CACNG4: variants seen among roughly 807,000 people sequenced by gnomAD.
CACNG4 encodes voltage-dependent calcium channel gamma-4 subunit.
A neutral mutation model predicts 22.9 loss-of-function variants in CACNG4; 8 were observed. That is an observed-to-expected ratio of 0.35 (90% CI 0.21 to 0.63). CACNG4 has a LOEUF of 0.63. CACNG4 is among the 30% of genes least tolerant of loss of function. CACNG4 has a pLI of 0.72. For missense variants in CACNG4, 357 were observed against 455.4 expected (o/e 0.78, Z 1.97); for synonymous variants, 188 against 191.9 (o/e 0.98, Z 0.17).
chr17:67,031,871 G>T lies in CACNG4; in HGVS notation c.*867G>T, dbSNP rs894923013. 3 of 456,640 alleles carry T rather than the reference G, an allele frequency of 6.6e-6. No homozygotes were observed. The highest frequency in any genetic ancestry group is 1.3e-5 in the Non-Finnish European group (3 of 226,966). 28.3% of individuals were successfully genotyped at this position (456,640 alleles called of 1,614,324 possible). A position where few individuals can be genotyped will look rare whatever the true frequency, so the allele number is the denominator to read the frequency against. On this transcript the variant is annotated 3_prime_UTR_variant, in exon 4 of 4. Coordinates refer to ENST00000262138, the MANE Select transcript of CACNG4 (RefSeq NM_014405.4). The surrounding 1 kb of genome is among the most constrained non-coding windows in gnomAD (Gnocchi z 4.0). Reference sequence around the variant, plus strand: ...GAGCAACTCTGTCCCCTGAGCGTTGGGGGTCCCGGGGGAGAGGTGGACAGA... The same window carrying T: ...GAGCAACTCTGTCCCCTGAGCGTTGTGGGTCCCGGGGGAGAGGTGGACAGA...
chr17:67,018,409 G>T, intron 2 of CACNG4, 137 bp downstream of exon 2: 1 of 660,052 alleles, frequency 1.5e-6, no homozygotes, highest in East Asian at 2.7e-5. Context: ...TACTTATTCA[G>T]ACATTGTGAG....
intron 1 of CACNG4, among the ~76,000 whole-genome samples, chr17:67,015,701 G>A (rs1437799363): frequency 2.6e-5 from 4 of 152,122 alleles, no homozygotes; most frequent in East Asian, 3.9e-4. Flanking sequence ...GCAGCCTGCC[G>A]CTGCAGAGCA....
At chr17:67,019,157 C>T (rs1049027952) in intron 2 of CACNG4, among the ~76,000 whole-genome samples, 5 of 152,180 alleles carry the variant, frequency 3.3e-5, no homozygotes, top group Non-Finnish European at 5.9e-5. Context: ...ATACCAGCAT[C>T]CTCAGAGAGA....
rs77218864 is a variant in CACNG4 at position 66,978,397 on chromosome 17, G to A, written c.220+13266G>A. On this transcript the variant is annotated intron_variant, in intron 1 of 3. Transcript: ENST00000262138. ...CGTGGTACATGGGGACAGGGGAGGG[G>A]ACCCAGAGTGAAGATGGGTCTCAGA... is the stretch of plus-strand genomic sequence containing the variant. Among the ~76,000 whole-genome samples, 788 of 152,292 alleles carry A rather than the reference G, an allele frequency of 5.2e-3. 11 individuals are homozygous for A. Among genetic ancestry groups the A allele is most frequent in the African/African-American group, 0.018 (756 of 41,566 alleles).
In CACNG4 at chr17:66,998,149, G is replaced by A. The variant is rs904861349; in HGVS notation, c.221-20040G>A. Among the ~76,000 whole-genome samples the A allele has an allele frequency of 4.6e-5, 7 of 152,318 alleles. No individual in the cohort carries two copies. In the Middle Eastern group the frequency reaches 0.014, roughly 296 times the overall value. On this transcript the variant is annotated intron_variant, in intron 1 of 3. Transcript: ENST00000262138. Reference sequence around the variant, plus strand: ...ATTGGAGGAAGACTCCATCTATGCCGCAAATGTTGAGGCCCCCAATCTGAA... The same window carrying A: ...ATTGGAGGAAGACTCCATCTATGCCACAAATGTTGAGGCCCCCAATCTGAA...
In CACNG4 at chr17:67,031,966, G is replaced by C. The variant is rs1008039334; in HGVS notation, c.*962G>C. 2 of 456,580 alleles carry C rather than the reference G, an allele frequency of 4.4e-6. No homozygotes were observed. Among genetic ancestry groups the C allele is most frequent in the African/African-American group, 4.0e-5 (2 of 50,064 alleles). The allele number at this position is 456,580 out of a possible 1,614,324, so 28.3% of individuals were successfully genotyped here. A position where few individuals can be genotyped will look rare whatever the true frequency, so the allele number is the denominator to read the frequency against. Reference sequence around the variant, plus strand: ...GTGCAAGAAAGGGAGACCTAAGGGTGAACAGTGGCCAATAAAAACCCTAGA... The same window carrying C: ...GTGCAAGAAAGGGAGACCTAAGGGTCAACAGTGGCCAATAAAAACCCTAGA... On this transcript the variant is annotated 3_prime_UTR_variant, in exon 4 of 4. Transcript: ENST00000262138. This position sits in a 1 kb window ranked among gnomAD's most constrained non-coding sequence, Gnocchi z 4.0.
intron 1 of CACNG4, 55 bp downstream of exon 1, chr17:66,965,186 A>C: frequency 4.7e-6 from 4 of 843,722 alleles, no homozygotes; most frequent in Non-Finnish European, 6.6e-6. Context: ...ACACACACAC[A>C]TATACACACG....
intron 1 of CACNG4, among the ~76,000 whole-genome samples, chr17:66,988,828 G>A (rs2035321008): frequency 6.6e-6 from 1 of 152,174 alleles, no homozygotes; most frequent in African/African-American, 2.4e-5. Context: ...AGAAGCCAAG[G>A]TGGGTGGATC....
At chr17:66,973,188 T>G (rs4791001) in intron 1 of CACNG4, among the ~76,000 whole-genome samples, 82,628 of 150,664 alleles carry the variant, frequency 0.55, 23,050 homozygotes, top group Middle Eastern at 0.68. Flanking sequence ...TGCACTGAGC[T>G]GAGAGCTCGC....
Position 67,030,871 on chromosome 17 carries a change from T to G in CACNG4, c.851T>G (p.Leu284Arg). 6.2e-7 allele frequency: 1 copy of G among 1,612,722 alleles called. No individual in the cohort carries two copies. The highest frequency in any genetic ancestry group is 1.3e-5 in the African/African-American group (1 of 74,910). ...LSMYTLSREP[L>R]KVTTAASYSP... ...ATGTACACGCTGTCCAGGGAGCCCC[T>G]CAAGGTGACCACCGCAGCCAGCTAC... is the stretch of plus-strand genomic sequence containing the variant. Residue 284 changes from leucine (L) to arginine (R), a missense_variant, in exon 4 of 4, where the codon CTC (leucine) becomes CGC (arginine). Leu to Arg is a moderately radical substitution (Grantham distance 102, BLOSUM62 -2). Around this residue, in one of 3 missense-constraint regions of CACNG4, gnomAD observed 240 missense variants for 277.6 expected, o/e 0.86. Transcript: ENST00000262138. This position sits in a 1 kb window ranked among gnomAD's most constrained non-coding sequence, Gnocchi z 6.4.
chr17:66,969,642 G>A (rs750476104), intron 1 of CACNG4, among the ~76,000 whole-genome samples: 1 of 152,138 alleles, frequency 6.6e-6, no homozygotes, highest in Non-Finnish European at 1.5e-5. Context: ...CCCTGGGGAG[G>A]GGATTGAGAA....
chr17:67,012,658 C>G (rs899217556), intron 1 of CACNG4, among the ~76,000 whole-genome samples: 2 of 152,328 alleles, frequency 1.3e-5, no homozygotes, highest in African/African-American at 4.8e-5. Flanking sequence ...CCTCAAACTT[C>G]CAGTTGCACG....
chr17:67,009,948 T>C (rs2035459539), intron 1 of CACNG4, among the ~76,000 whole-genome samples: 1 of 152,076 alleles, frequency 6.6e-6, no homozygotes, highest in Non-Finnish European at 1.5e-5. Context: ...TAAACTCCCA[T>C]GTCCTCTGCC....
At chr17:66,968,257 A>G (rs923151655) in intron 1 of CACNG4, among the ~76,000 whole-genome samples, 2 of 152,226 alleles carry the variant, frequency 1.3e-5, no homozygotes, top group Non-Finnish European at 2.9e-5. Context: ...CATTAAAAAT[A>G]GACCAAGTAC....
At chr17:66,990,430 A>G (rs1417425297) in intron 1 of CACNG4, among the ~76,000 whole-genome samples, 2 of 152,188 alleles carry the variant, frequency 1.3e-5, no homozygotes, top group African/African-American at 2.4e-5. Flanking sequence ...GGTTCCTCCA[A>G]CACTCAAGGG....
rs1267621996 is a variant in CACNG4, at chr17:67,027,775, T to A, written c.446-2691T>A. ...GGCTCATGCCTGTAATCCCAGCATT[T>A]TGGGAGGCCGAGGCAGGCGGATCAC... On this transcript the variant is annotated intron_variant, in intron 3 of 3. Transcript: ENST00000262138. This position sits in a 1 kb window ranked among gnomAD's most constrained non-coding sequence, Gnocchi z 4.3. 6.6e-6 allele frequency among the ~76,000 whole-genome samples: 1 copy of A among 152,064 alleles called. No individual in the cohort carries two copies. Among genetic ancestry groups the A allele is most frequent in the Non-Finnish European group, 1.5e-5 (1 of 68,018 alleles).
intron 1 of CACNG4, among the ~76,000 whole-genome samples, chr17:66,989,418 C>T (rs757293331): frequency 6.6e-6 from 1 of 151,424 alleles, no homozygotes; most frequent in Non-Finnish European, 1.5e-5. Context: ...AGGGAATGTT[C>T]GGGGTTGCCA....
chr17:67,011,497 G>T (rs551682179), intron 1 of CACNG4, among the ~76,000 whole-genome samples: 3 of 152,214 alleles, frequency 2.0e-5, no homozygotes, highest in Admixed American at 6.5e-5. Context: ...TTATCTTCTT[G>T]TGTCAACAGC....
chr17:67,031,680 G>A lies in CACNG4; in HGVS notation c.*676G>A, dbSNP rs1347784672. ...GGCCTGTGGAGGAGGCCCAGGTAAA[G>A]GCTGGGGGCTGTTGCTGGCTATCCT... On this transcript the variant is annotated 3_prime_UTR_variant, in exon 4 of 4. Coordinates refer to ENST00000262138, the MANE Select transcript of CACNG4 (RefSeq NM_014405.4). This position sits in a 1 kb window ranked among gnomAD's most constrained non-coding sequence, Gnocchi z 4.0. 6 of 456,664 alleles carry A rather than the reference G, an allele frequency of 1.3e-5. No individual in the cohort carries two copies. Among genetic ancestry groups the A allele is most frequent in the Non-Finnish European group, 2.2e-5 (5 of 227,000 alleles). The allele number at this position is 456,664 out of a possible 1,614,324, so 28.3% of individuals were successfully genotyped here. A position where few individuals can be genotyped will look rare whatever the true frequency, so the allele number is the denominator to read the frequency against.
Sources: allele counts gnomAD v4.1 joint callset (sites outside exome capture counted in the v4.1 genomes callset), GRCh38; gene constraint gnomAD v4.1.1; regional missense constraint gnomAD v4.1.1; non-coding constraint Gnocchi (gnomAD v3.1); transcripts MANE v1.5; gene names NCBI Gene and HGNC (gene_info 2026-07-23, HGNC 2026-07-21).